The following CTNNBL1 variants were observed in gnomAD, a reference collection of about 807,000 sequenced individuals.
CTNNBL1 encodes beta-catenin-like protein 1.
Under a neutral mutation model 72.7 loss-of-function variants are expected in CTNNBL1, and 31 were observed. The ratio of observed to expected loss-of-function variants is 0.43; its 90% CI spans 0.32 to 0.58. The LOEUF is 0.58. Ranked by LOEUF, CTNNBL1 falls within the 20% of genes least tolerant of loss-of-function variation. The pLI is 0.08. For synonymous variants in CTNNBL1, 240 were observed against 267.3 expected (o/e 0.90, Z 1.00); for missense variants, 534 against 725.1 (o/e 0.74, Z 3.03).
intron 5 of CTNNBL1, among the ~76,000 whole-genome samples, chr20:37,764,543 A>G (rs900272691): frequency 5.3e-5 from 8 of 152,344 alleles, no homozygotes; most frequent in African/African-American, 1.9e-4. Context: ...TGGCTACTGA[A>G]AGTTTCCTAT....
At chr20:37,767,861 G>C in intron 6 of CTNNBL1, 92 bp from the exon 7 acceptor site, 1 of 957,480 alleles carries the variant, frequency 1.0e-6, no homozygotes, top group Non-Finnish European at 1.7e-6. Context: ...GGGAAGTGGG[G>C]AGAGGAATAA....
chr20:37,700,744 A>G (rs2072833845), intron 1 of CTNNBL1, among the ~76,000 whole-genome samples: 1 of 152,210 alleles, frequency 6.6e-6, no homozygotes, highest in Non-Finnish European at 1.5e-5. Context: ...GATGTCTGGA[A>G]AAAGTTCTTA....
intron 12 of CTNNBL1, among the ~76,000 whole-genome samples, chr20:37,841,470 TTA>T (rs2072303764): frequency 6.6e-6 from 1 of 152,220 alleles, no homozygotes; most frequent in Non-Finnish European, 1.5e-5. Flanking sequence ...AGCTGCAACA[TTA>T]AGGTCTTAGG....
chr20:37,743,332 T>C (rs1204299007), intron 3 of CTNNBL1, among the ~76,000 whole-genome samples: 1 of 149,674 alleles, frequency 6.7e-6, no homozygotes, highest in Non-Finnish European at 1.5e-5. Context: ...TCCTGGCCCA[T>C]GGAATATTTG....
intron 10 of CTNNBL1, 147 bp downstream of exon 10, chr20:37,779,482 A>T: frequency 1.2e-6 from 1 of 809,284 alleles, no homozygotes; most frequent in Admixed American, 2.5e-5. Context: ...GCATGGGGGG[A>T]TGTGTTTGTA....
chr20:37,767,913 A>C, intron 6 of CTNNBL1, 40 bp from the exon 7 acceptor site: 2 of 1,554,836 alleles, frequency 1.3e-6, no homozygotes, highest in Non-Finnish European at 1.8e-6. Flanking sequence ...GATGGAAACA[A>C]AGTTGTCCTC....
chr20:37,749,676 G>A (rs148334008), intron 4 of CTNNBL1, among the ~76,000 whole-genome samples: 1 of 151,984 alleles, frequency 6.6e-6, no homozygotes, highest in Non-Finnish European at 1.5e-5. Flanking sequence ...ATTTTAATTA[G>A]AGGCAGCAAA....
intron 1 of CTNNBL1, among the ~76,000 whole-genome samples, chr20:37,710,212 A>G (rs540453501): frequency 3.3e-5 from 5 of 152,280 alleles, no homozygotes; most frequent in African/African-American, 1.2e-4. Context: ...GACCTTTTGA[A>G]ATCTGGAAAG....
intron 15 of CTNNBL1, among the ~76,000 whole-genome samples, chr20:37,870,789 G>T (rs1468084841): frequency 6.6e-6 from 1 of 152,134 alleles, no homozygotes; most frequent in Admixed American, 6.5e-5. Context: ...CACCATCTGG[G>T]TATGGCCCCT....
chr20:37,771,472 A>G (rs1453610412), intron 7 of CTNNBL1, among the ~76,000 whole-genome samples: 1 of 152,200 alleles, frequency 6.6e-6, no homozygotes, highest in Non-Finnish European at 1.5e-5. Context: ...TGTGCCTTCT[A>G]CATCAGATCC....
intron 11 of CTNNBL1, among the ~76,000 whole-genome samples, chr20:37,811,730 G>A (rs1295640933): frequency 2.0e-5 from 3 of 152,212 alleles, no homozygotes; most frequent in Admixed American, 6.5e-5. Flanking sequence ...GGATGAATTT[G>A]CCATTCTGGA....
At position 37,872,051 on chromosome 20, in the gene CTNNBL1, T is replaced by C. The variant is rs111273713; in HGVS notation, c.*38T>C. 6.6e-7 allele frequency: 1 copy of C among 1,525,928 alleles called. No individual in the cohort carries two copies. The highest frequency in any genetic ancestry group is 9.1e-7 in the Non-Finnish European group (1 of 1,099,836). 94.5% of individuals were successfully genotyped at this position (1,525,928 alleles called of 1,614,324 possible). ...CCTGCGCATCATGGACTCTCTCAGC[T>C]TCCCTCCCAGGATCAGTTTCTACAC... On this transcript the variant is annotated 3_prime_UTR_variant, in exon 16 of 16. Coordinates refer to ENST00000361383, the MANE Select transcript of CTNNBL1 (RefSeq NM_030877.5).
intron 10 of CTNNBL1, among the ~76,000 whole-genome samples, chr20:37,802,043 G>C (rs1441312104): frequency 6.6e-6 from 1 of 152,184 alleles, no homozygotes; most frequent in African/African-American, 2.4e-5. Context: ...CTTGGAGTGA[G>C]CAATCCAAAA....
intron 10 of CTNNBL1, among the ~76,000 whole-genome samples, chr20:37,794,192 G>C (rs1178763098): frequency 6.8e-6 from 1 of 147,210 alleles, no homozygotes; most frequent in African/African-American, 2.5e-5. Flanking sequence ...TGTAGATCCA[G>C]ATTTCCATCC....
intron 13 of CTNNBL1, among the ~76,000 whole-genome samples, chr20:37,853,745 C>T (rs753641540): frequency 2.0e-5 from 3 of 152,236 alleles, no homozygotes; most frequent in Non-Finnish European, 2.9e-5. Flanking sequence ...CCCACACTTT[C>T]TCACTTTCTT....
chr20:37,842,728 C>T (rs2072315250), intron 13 of CTNNBL1, among the ~76,000 whole-genome samples: 2 of 152,134 alleles, frequency 1.3e-5, no homozygotes, highest in African/African-American at 2.4e-5. Context: ...GACCTGGTAC[C>T]ATGTTGGCAG....
intron 1 of CTNNBL1, among the ~76,000 whole-genome samples, chr20:37,726,652 A>G (rs572303607): frequency 6.6e-6 from 1 of 152,342 alleles, no homozygotes; most frequent in Non-Finnish European, 1.5e-5. Flanking sequence ...TAAGTTCTAG[A>G]TGAAGAATTC....
chr20:37,811,082 T>G (rs1340172090), intron 11 of CTNNBL1, among the ~76,000 whole-genome samples: 1 of 152,164 alleles, frequency 6.6e-6, no homozygotes, highest in Non-Finnish European at 1.5e-5. Context: ...TGTTGGTAAT[T>G]TTAGAGGTAC....
intron 15 of CTNNBL1, among the ~76,000 whole-genome samples, chr20:37,871,423 G>A (rs1387378898): frequency 1.3e-5 from 2 of 152,148 alleles, no homozygotes; most frequent in Admixed American, 1.3e-4. Context: ...TGTCTGCTGA[G>A]GGCCGTCCTA....
Sources: allele counts gnomAD v4.1 joint callset (sites outside exome capture counted in the v4.1 genomes callset), GRCh38; gene constraint gnomAD v4.1.1; transcripts MANE v1.5; gene names NCBI Gene and HGNC (gene_info 2026-07-23, HGNC 2026-07-21).